TVP23A: variants seen among roughly 807,000 people sequenced by gnomAD.
The protein encoded by TVP23A is Golgi apparatus membrane protein TVP23 homolog A.
In TVP23A, 21 loss-of-function variants were observed where a neutral mutation model predicts 31.7. That is an observed-to-expected ratio of 0.66 (90% confidence interval 0.47 to 0.95). The LOEUF (loss-of-function observed/expected upper bound fraction) is 0.95, where lower values mean the gene tolerates loss of function less well. TVP23A is among the 40% of genes least tolerant of loss of function. The pLI is 0.00. For missense variants in TVP23A, 279 were observed against 255.6 expected, an observed-to-expected ratio of 1.09 and a Z score of -0.62; for synonymous variants, 104 against 96.0, an observed-to-expected ratio of 1.08 and a Z score of -0.49.
intron 2 of TVP23A, among the ~76,000 whole-genome samples, chr16:10,806,416 A>G (rs1292778707): frequency 3.9e-5 from 6 of 152,224 alleles, no homozygotes; most frequent in Non-Finnish European, 8.8e-5. Flanking sequence ...AAAACATCAA[A>G]GAACCTGGCC....
At chr16:10,786,994 G>T (rs2032799359) in intron 2 of TVP23A, among the ~76,000 whole-genome samples, 2 of 151,874 alleles carry the variant, frequency 1.3e-5, no homozygotes, top group Non-Finnish European at 2.9e-5. Flanking sequence ...GTTACAGCTG[G>T]ATACATGAAG....
chr16:10,773,246 C>T lies in TVP23A; in HGVS notation c.453+67G>A, dbSNP rs1231437400. On this transcript the variant is annotated intron_variant, in intron 5 of 7. Transcript: ENST00000299866. The stretch of plus-strand genomic sequence containing the variant: ...AATCAATAACAAATAACAACAAAAG[C>T]CTAGTGGTGCAAACACTTTTTTTGC... 36 of 1,518,286 alleles carry T rather than the reference C, an allele frequency of 2.4e-5. 3 individuals are homozygous for T. Among genetic ancestry groups the T allele is most frequent in the Non-Finnish European group, 3.0e-5 (34 of 1,134,914 alleles). 94.1% of individuals were successfully genotyped at this position (1,518,286 alleles called of 1,614,324 possible).
chr16:10,783,101 G>C (rs986979385), intron 2 of TVP23A, among the ~76,000 whole-genome samples: 1 of 152,126 alleles, frequency 6.6e-6, no homozygotes, highest in Admixed American at 6.5e-5. Flanking sequence ...ATTGGGAAGG[G>C]ATATGAGGGA....
intron 2 of TVP23A, among the ~76,000 whole-genome samples, chr16:10,802,807 G>C (rs1291724047): frequency 6.6e-6 from 1 of 152,132 alleles, no homozygotes; most frequent in East Asian, 1.9e-4. Context: ...TCTGTAAATA[G>C]TAAGTTTTGT....
rs2142927814 is a variant in TVP23A, at chr16:10,779,139, T to C, written c.90-4043A>G. ...AGAAAAATTTCCAGTTGTTGATAGCTTCCACTTAGCTGGGCCCTGATTAAC... is the reference window on the plus strand; with the variant it reads ...AGAAAAATTTCCAGTTGTTGATAGCCTCCACTTAGCTGGGCCCTGATTAAC... On this transcript the variant is annotated intron_variant, in intron 2 of 7. Coordinates refer to ENST00000299866, the MANE Select transcript of TVP23A (RefSeq NM_001079512.4). The surrounding 1 kb of genome is among the most constrained non-coding windows in gnomAD (Gnocchi z 4.9). Among the ~76,000 whole-genome samples the C allele has an allele frequency of 6.6e-6, 1 of 152,308 alleles. No homozygotes were observed. Among genetic ancestry groups the C allele is most frequent in the African/African-American group, 2.4e-5 (1 of 41,560 alleles).
chr16:10,786,179 T>G (rs529514327), intron 2 of TVP23A, among the ~76,000 whole-genome samples: 1 of 152,300 alleles, frequency 6.6e-6, no homozygotes, highest in African/African-American at 2.4e-5. Flanking sequence ...GTTTGACTTT[T>G]CCCTTTAGCT....
chr16:10,817,743 C>T (rs13337681), intron 2 of TVP23A, among the ~76,000 whole-genome samples: 5,905 of 152,228 alleles, frequency 0.039, 402 homozygotes, highest in African/African-American at 0.14. Context: ...TGGCTGGCTG[C>T]TTCTCATCAT....
At chr16:10,787,852 G>A (rs1211128903) in intron 2 of TVP23A, among the ~76,000 whole-genome samples, 2 of 152,052 alleles carry the variant, frequency 1.3e-5, no homozygotes. Flanking sequence ...CAACAATGCC[G>A]CTTCACTTTG....
At chr16:10,775,357 C>A (rs1326366798) in intron 2 of TVP23A, 5 of 1,280,160 alleles carry the variant, frequency 3.9e-6, no homozygotes, top group African/African-American at 1.5e-5. Flanking sequence ...CTCCAAATAT[C>A]ACTTGCCCTC....
chr16:10,806,596 G>C (rs371442962), intron 2 of TVP23A, among the ~76,000 whole-genome samples: 22 of 152,252 alleles, frequency 1.4e-4, no homozygotes, highest in African/African-American at 5.3e-4. Flanking sequence ...TTACCTCCCG[G>C]GTACAAGCAA....
intron 2 of TVP23A, among the ~76,000 whole-genome samples, chr16:10,806,919 C>T (rs1039576770): frequency 6.6e-6 from 1 of 152,196 alleles, no homozygotes; most frequent in Non-Finnish European, 1.5e-5. Context: ...ATACGTAATT[C>T]CGTGCCCTAA....
chr16:10,761,295 C>G, exon 9 of TVP23A: 1 of 1,406,974 alleles, frequency 7.1e-7, no homozygotes, highest in South Asian at 1.2e-5. Flanking sequence ...GCAGCCATCC[C>G]CTCGGTTGCA....
At position 10,768,970 on chromosome 16, in the gene TVP23A, C is replaced by A; in HGVS notation, c.*132G>T. 2 of 1,320,222 alleles carry A rather than the reference C, an allele frequency of 1.5e-6. No homozygotes were observed. Among genetic ancestry groups the A allele is most frequent in the Admixed American group, 1.8e-5 (1 of 56,790 alleles). The allele number at this position is 1,320,222 out of a possible 1,614,324, so 81.8% of individuals were successfully genotyped here. On this transcript the variant is annotated 3_prime_UTR_variant, in exon 8 of 8. Transcript: ENST00000299866. The surrounding 1 kb of genome is among the most constrained non-coding windows in gnomAD (Gnocchi z 4.3). ...GGATTCCACCCCTGTCAAAACACAG[C>A]CCTCCCCAGCACAGGACAGGGCTGT...
At chr16:10,766,024 G>T (rs1445136583), downstream of TVP23A, 4 of 152,354 alleles carry the variant, frequency 2.6e-5, no homozygotes, top group African/African-American at 9.6e-5. The surrounding 1 kb of genome is among the most constrained non-coding windows in gnomAD (Gnocchi z 4.8). Context: ...GGGACAGAGT[G>T]GGGGAAAACC....
chr16:10,818,540 C>G lies in TVP23A; in HGVS notation c.-47G>C. 1.9e-6 allele frequency: 3 copies of G among 1,587,884 alleles called. No individual in the cohort carries two copies. Among genetic ancestry groups the G allele is most frequent in the Non-Finnish European group, 2.6e-6 (3 of 1,173,498 alleles). The stretch of plus-strand genomic sequence containing the variant: ...GGCGCCCAGGCCCGGGGCTCCAGCT[C>G]CGCCCGTCGCCGCTGAAGGGGTCGG... On this transcript the variant is annotated 5_prime_UTR_variant, in exon 1 of 8. Coordinates refer to ENST00000299866, the MANE Select transcript of TVP23A (RefSeq NM_001079512.4). This position sits in a 1 kb window ranked among gnomAD's most constrained non-coding sequence, Gnocchi z 4.7.
chr16:10,769,084 A>G lies in TVP23A; in HGVS notation c.*18T>C, dbSNP rs748096118. 4.3e-6 allele frequency: 7 copies of G among 1,614,084 alleles called. No homozygotes were observed. In the East Asian group the frequency reaches 1.6e-4, roughly 36 times the overall value. ...TTTGTAATCTCCATCAGTCAAAAGA[A>G]GAGAACCTCATCAGTTCCTGAAACG... On this transcript the variant is annotated 3_prime_UTR_variant, in exon 8 of 8. Transcript: ENST00000299866.
chr16:10,773,266 T>C (rs758410094), intron 5 of TVP23A, 47 bp downstream of exon 5: 1 of 1,548,954 alleles, frequency 6.5e-7, no homozygotes. Context: ...CAAACACTTT[T>C]TTTGCAGAGA....
rs1312036919 is a variant in TVP23A at position 10,777,964 on chromosome 16, T to G, written c.90-2868A>C. On this transcript the variant is annotated intron_variant, in intron 2 of 7. Transcript: ENST00000299866. The surrounding 1 kb of genome is among the most constrained non-coding windows in gnomAD (Gnocchi z 4.5). ...AGGCGGAGGTTGCAGTGAGTTGAGA[T>G]CGTACTACTGCACTCCAGCCTGGTG... 6.6e-6 allele frequency among the ~76,000 whole-genome samples: 1 copy of G among 151,408 alleles called. No individual in the cohort carries two copies. Among genetic ancestry groups the G allele is most frequent in the Non-Finnish European group, 1.5e-5 (1 of 67,958 alleles).
intron 6 of TVP23A, among the ~76,000 whole-genome samples, chr16:10,770,578 C>CA (rs869164860): frequency 7.4e-6 from 1 of 134,884 alleles, no homozygotes; most frequent in Non-Finnish European, 1.6e-5. Context: ...AAAAAAAAAA[C>CA]AAAACAAAAA....
Sources: allele counts gnomAD v4.1 joint callset (sites outside exome capture counted in the v4.1 genomes callset), GRCh38; gene constraint gnomAD v4.1.1; non-coding constraint Gnocchi (gnomAD v3.1); transcripts MANE v1.5; gene names NCBI Gene and HGNC (gene_info 2026-07-23, HGNC 2026-07-21).